POLQ: variants seen among roughly 807,000 people sequenced by gnomAD.
POLQ encodes the protein DNA polymerase theta.
A neutral mutation model predicts 259.2 loss-of-function variants in POLQ; 233 were observed. That is an observed-to-expected ratio of 0.90 (90% CI 0.81 to 1.00). The LOEUF (loss-of-function observed/expected upper bound fraction) is 1.00, where lower values mean the gene tolerates loss of function less well. Ranked by LOEUF, POLQ falls within the 50% of genes least tolerant of loss-of-function variation. POLQ has a pLI of 0.00. For missense variants in POLQ, 2,871 were observed against 3,051.6 expected, an observed-to-expected ratio of 0.94 and a Z score of 1.39; for synonymous variants, 1,025 against 1,048.8, an observed-to-expected ratio of 0.98 and a Z score of 0.44.
At chr3:121,466,030 G>C (rs2108786779) in intron 24 of POLQ, among the ~76,000 whole-genome samples, 1 of 152,222 alleles carries the variant, frequency 6.6e-6, no homozygotes, top group Admixed American at 6.5e-5. Context: ...TGAATGCAAA[G>C]GAAAAGTTCT....
chr3:121,447,658 G>T (rs957561516), intron 26 of POLQ, among the ~76,000 whole-genome samples: 1 of 152,018 alleles, frequency 6.6e-6, no homozygotes, highest in African/African-American at 2.4e-5. Flanking sequence ...GTACCTTTAG[G>T]TTATTTGTTA....
intron 26 of POLQ, among the ~76,000 whole-genome samples, chr3:121,442,474 ACT>A (rs548901510): frequency 2.0e-4 from 30 of 151,974 alleles, no homozygotes; most frequent in Middle Eastern, 3.4e-3. Context: ...CCATTACTCT[ACT>A]CTCTATCTCC....
intron 26 of POLQ, among the ~76,000 whole-genome samples, chr3:121,440,350 G>A (rs73191786): frequency 0.036 from 5,489 of 152,106 alleles, 146 homozygotes; most frequent in Middle Eastern, 0.082. Flanking sequence ...TTGTTTTTGA[G>A]ACAGGATCTC....
intron 7 of POLQ, among the ~76,000 whole-genome samples, chr3:121,523,806 T>C (rs538864883): frequency 9.2e-5 from 14 of 152,320 alleles, no homozygotes; most frequent in African/African-American, 2.9e-4. Flanking sequence ...AAAATATGTA[T>C]ATTTAAATAT....
chr3:121,456,667 AAC>A (rs1288193507), intron 25 of POLQ, among the ~76,000 whole-genome samples: 2 of 151,554 alleles, frequency 1.3e-5, no homozygotes, highest in Non-Finnish European at 1.5e-5. Flanking sequence ...CTAGGAATCC[AAC>A]TTACAAGGGA....
At chr3:121,509,833 G>T in intron 11 of POLQ, 130 bp from the exon 12 acceptor site, 4 of 943,146 alleles carry the variant, frequency 4.2e-6, no homozygotes, top group Non-Finnish European at 6.4e-6. Context: ...CTTATCCAGA[G>T]CATGAAAATG....
At chr3:121,490,807 A>T (rs1217701566) in intron 15 of POLQ, among the ~76,000 whole-genome samples, 5 of 152,354 alleles carry the variant, frequency 3.3e-5, no homozygotes, top group South Asian at 2.1e-4. Context: ...TAAACCCAGC[A>T]CTTTGGGAGA....
intron 15 of POLQ, among the ~76,000 whole-genome samples, chr3:121,492,074 G>A (rs907074027): frequency 1.3e-5 from 2 of 151,744 alleles, no homozygotes; most frequent in Non-Finnish European, 2.9e-5. Context: ...GTCTTCCATG[G>A]GCAAGAGATA....
intron 8 of POLQ, 26 bp from the exon 9 acceptor site, chr3:121,520,109 T>C: frequency 3.0e-6 from 4 of 1,348,858 alleles, no homozygotes; most frequent in Non-Finnish European, 4.2e-6. Context: ...TTTTATATAT[T>C]TATTGATATA....
chr3:121,493,595 A>C lies in POLQ; in HGVS notation c.2405T>G (p.Leu802Arg). The change falls in exon 15 of 30, where the codon CTA becomes CGA. Residue 802 changes from leucine to arginine, a missense_variant. This residue lies in a region of POLQ where 2,080 missense variants were observed against 2,126.0 expected (regional missense o/e 0.98). Coordinates refer to ENST00000264233, the MANE Select transcript of POLQ (RefSeq NM_199420.4). ...ELCDLVRVSLLNAQRARVLYA... is the reference protein window; with the variant it reads ...ELCDLVRVSLRNAQRARVLYA... ...GAGAACCCTGGCTCTCTGAGCATTT[A>C]GTAAGGATACCCGAACCAGGTCACA... 5 of 1,614,178 alleles carry C rather than the reference A, an allele frequency of 3.1e-6. No individual in the cohort carries two copies. The highest frequency in any genetic ancestry group is 4.2e-6 in the Non-Finnish European group (5 of 1,180,010).
intron 25 of POLQ, among the ~76,000 whole-genome samples, chr3:121,453,968 C>T (rs1012051225): frequency 2.0e-5 from 3 of 152,084 alleles, no homozygotes; most frequent in Non-Finnish European, 4.4e-5. Context: ...AAAATGTTAA[C>T]GGCAGCCAGA....
At chr3:121,485,973 C>A (rs2048007740) in intron 16 of POLQ, among the ~76,000 whole-genome samples, 1 of 152,228 alleles carries the variant, frequency 6.6e-6, no homozygotes, top group South Asian at 2.1e-4. Flanking sequence ...CAGCTGACTA[C>A]AACTGGTCCC....
intron 12 of POLQ, among the ~76,000 whole-genome samples, chr3:121,508,697 G>T (rs1386067083): frequency 6.6e-6 from 1 of 152,106 alleles, no homozygotes; most frequent in Non-Finnish European, 1.5e-5. Context: ...AAGAAAATTG[G>T]TACTGTCTAG....
Position 121,449,331 on chromosome 3 carries a change from G to A in POLQ, c.7248C>T (p.Phe2416=), listed in dbSNP as rs377717694. The change falls in exon 26 of 30, where the codon TTC becomes TTT. Residue 2416 remains phenylalanine (F), a synonymous_variant. Transcript: ENST00000264233. ...ATAAATTACCTGTGTATCTGGATTTGAAGGAGTCAATATAGCATGCAGCAT... is the reference window on the plus strand; with the variant it reads ...ATAAATTACCTGTGTATCTGGATTTAAAGGAGTCAATATAGCATGCAGCAT... ...ENDAACYIDS[F]KSRYTGINQF... 7.7e-4 allele frequency: 1,171 copies of A among 1,526,464 alleles called. No homozygotes were observed. Among genetic ancestry groups the A allele is most frequent in the Non-Finnish European group, 1.0e-3 (1,115 of 1,100,550 alleles). The allele number at this position is 1,526,464 out of a possible 1,614,324, so 94.6% of individuals were successfully genotyped here. A position where few individuals can be genotyped will look rare whatever the true frequency, so the allele number is the denominator to read the frequency against.
chr3:121,522,347 C>T (rs1471170946), intron 7 of POLQ, among the ~76,000 whole-genome samples, 198 bp from the exon 8 acceptor site: 1 of 87,646 alleles, frequency 1.1e-5, no homozygotes, highest in South Asian at 6.2e-4. Flanking sequence ...CTCTGTCGCC[C>T]AGGCCGGACT....
Position 121,459,434 on chromosome 3 carries a change from T to C in POLQ, c.7152+616A>G, listed in dbSNP as rs553561398. Among the ~76,000 whole-genome samples the C allele has an allele frequency of 2.2e-5, 3 of 139,218 alleles. No individual in the cohort carries two copies. In the Admixed American group the frequency reaches 2.5e-4, roughly 11 times the overall value. The allele number at this position is 139,218 out of a possible 152,430, so 91.3% of individuals were successfully genotyped here. ...TCTTGCTCTTTCACCCAGGCTGGAGTGCAGTGGCGCTATCTCGGCTCACTG... is the reference window on the plus strand; with the variant it reads ...TCTTGCTCTTTCACCCAGGCTGGAGCGCAGTGGCGCTATCTCGGCTCACTG... On this transcript the variant is annotated intron_variant, in intron 25 of 29. Coordinates refer to ENST00000264233, the MANE Select transcript of POLQ (RefSeq NM_199420.4).
chr3:121,535,305 A>G (rs1019300798), intron 5 of POLQ, among the ~76,000 whole-genome samples: 1 of 152,230 alleles, frequency 6.6e-6, no homozygotes, highest in Non-Finnish European at 1.5e-5. Flanking sequence ...ATTGTTTACA[A>G]AGGATGAAAA....
At chr3:121,543,941 C>A (rs2048509404) in intron 2 of POLQ, among the ~76,000 whole-genome samples, 1 of 151,684 alleles carries the variant, frequency 6.6e-6, no homozygotes, top group South Asian at 2.1e-4. Flanking sequence ...CGAGACAACT[C>A]CATTGCACTC....
At chr3:121,458,488 A>T (rs2047762160) in intron 25 of POLQ, among the ~76,000 whole-genome samples, 1 of 152,262 alleles carries the variant, frequency 6.6e-6, no homozygotes, top group Non-Finnish European at 1.5e-5. Context: ...TAGCTGCATG[A>T]CCTTAAGCAA....
Sources: gnomAD v4.1 joint callset for allele counts (sites outside exome capture counted in the v4.1 genomes callset) on GRCh38, gnomAD v4.1.1 for gene constraint, gnomAD v4.1.1 regional missense constraint, MANE v1.5 for transcripts, NCBI Gene and HGNC (gene_info 2026-07-23, HGNC 2026-07-21) for gene names.